Variants in GLIS3 observed in about 807,000 individuals in gnomAD.
GLIS3 encodes the protein GLIS family zinc finger 3, also known as zinc finger protein GLIS3.
In GLIS3, 53 loss-of-function variants were observed where a neutral mutation model predicts 78.6. The ratio of observed to expected loss-of-function variants is 0.67; its 90% confidence interval spans 0.54 to 0.85. The LOEUF is 0.85. Ranked by LOEUF, GLIS3 falls within the 40% of genes least tolerant of loss-of-function variation. GLIS3 has a pLI of 0.00. For synonymous variants in GLIS3, 684 were observed against 509.9 expected (o/e 1.34, Z -4.60); for missense variants, 1,703 against 1,231.1 (o/e 1.38, Z -5.74).
intron 4 of GLIS3, among the ~76,000 whole-genome samples, chr9:4,013,617 C>T (rs1269675614): frequency 6.6e-6 from 1 of 152,192 alleles, no homozygotes; most frequent in African/African-American, 2.4e-5. Flanking sequence ...ATGTAGAACA[C>T]AGGAGGGCTC....
chr9:3,857,974 G>A (rs1819899108), intron 8 of GLIS3, among the ~76,000 whole-genome samples: 1 of 152,160 alleles, frequency 6.6e-6, no homozygotes, highest in Non-Finnish European at 1.5e-5. Flanking sequence ...AGGAATCCAG[G>A]TTAACACCTA....
At chr9:4,241,933 C>T (rs1823359825) in intron 2 of GLIS3, among the ~76,000 whole-genome samples, 1 of 152,232 alleles carries the variant, frequency 6.6e-6, no homozygotes. Flanking sequence ...ATCTGCTTGC[C>T]TTGGCCTCCC....
At chr9:4,120,746 T>A (rs941011598) in intron 3 of GLIS3, among the ~76,000 whole-genome samples, 2 of 152,240 alleles carry the variant, frequency 1.3e-5, no homozygotes, top group African/African-American at 4.8e-5. Flanking sequence ...CATGCCTGAA[T>A]GGATGCACAT....
At chr9:4,270,888 GGT>G (rs148679668) in intron 2 of GLIS3, among the ~76,000 whole-genome samples, 35 of 146,910 alleles carry the variant, frequency 2.4e-4, no homozygotes, top group Middle Eastern at 3.2e-3. Flanking sequence ...CAATCTGTGT[GGT>G]GTGTGTGTGT....
At chr9:3,873,381 C>T (rs183875434) in intron 8 of GLIS3, among the ~76,000 whole-genome samples, 5 of 152,018 alleles carry the variant, frequency 3.3e-5, no homozygotes, top group South Asian at 2.1e-4. Context: ...AGGACAAGTG[C>T]GATTTATACG....
chr9:3,918,171 T>A (rs1003684479), intron 6 of GLIS3, among the ~76,000 whole-genome samples: 1 of 152,204 alleles, frequency 6.6e-6, no homozygotes, highest in African/African-American at 2.4e-5. Flanking sequence ...GTCTTTTCTT[T>A]TGGAAACTAC....
chr9:4,162,584 G>A (rs985960852), intron 2 of GLIS3, among the ~76,000 whole-genome samples: 7 of 152,114 alleles, frequency 4.6e-5, no homozygotes, highest in African/African-American at 1.7e-4. Context: ...CACTGGCCGG[G>A]TGCGGTGGCT....
At chr9:3,988,366 A>G (rs1180836266) in intron 4 of GLIS3, among the ~76,000 whole-genome samples, 11 of 152,280 alleles carry the variant, frequency 7.2e-5, no homozygotes, top group African/African-American at 2.2e-4. Flanking sequence ...AAGCAAATTT[A>G]CTGTTATGTT....
At chr9:4,361,676 T>C in the GLIS3 span, among the ~76,000 whole-genome samples, 1 of 152,238 alleles carries the variant, frequency 6.6e-6, no homozygotes, top group African/African-American at 2.4e-5. Context: ...TAAGCAGTTG[T>C]GATTTGACCT....
intron 1 of GLIS3, among the ~76,000 whole-genome samples, chr9:4,297,702 C>G (rs926865300): frequency 1.3e-5 from 2 of 152,118 alleles, no homozygotes; most frequent in East Asian, 1.9e-4. Context: ...TTTACATGCT[C>G]CAGAGATGAG....
At chr9:4,176,893 G>C (rs746569460) in intron 2 of GLIS3, among the ~76,000 whole-genome samples, 1 of 152,230 alleles carries the variant, frequency 6.6e-6, no homozygotes, top group Non-Finnish European at 1.5e-5. Flanking sequence ...CAAAGTGTTG[G>C]GATTACAGGC....
At chr9:4,418,884 G>A in the GLIS3 span, among the ~76,000 whole-genome samples, 1 of 152,124 alleles carries the variant, frequency 6.6e-6, no homozygotes, top group African/African-American at 2.4e-5. Flanking sequence ...GACAGGGGAT[G>A]GGAACATTCA....
Position 3,879,477 on chromosome 9 carries a change from G to A in GLIS3, c.2247C>T (p.Asn749=). 2.5e-6 allele frequency: 4 copies of A among 1,614,118 alleles called. No homozygotes were observed. Among genetic ancestry groups the A allele is most frequent in the Non-Finnish European group, 3.4e-6 (4 of 1,179,990 alleles). The change falls in exon 8 of 11, where the codon AAC becomes AAT. Residue 749 remains asparagine (N), a synonymous_variant. Coordinates refer to ENST00000381971, the MANE Select transcript of GLIS3 (RefSeq NM_001042413.2). ...TGAGTGGAGGTAACTGGGAGGAGGG[G>A]TTGTGAGGGCTCCCCTGTACATTAT... The part of the protein sequence containing the change: ...PGHNVQGSPH[N]PSSQLPPLTA...
At chr9:4,461,621 T>G in the GLIS3 span, among the ~76,000 whole-genome samples, 1 of 152,212 alleles carries the variant, frequency 6.6e-6, no homozygotes, top group African/African-American at 2.4e-5. Context: ...CCTCCTTGAC[T>G]TCAGGCTTGG....
intron 9 of GLIS3, among the ~76,000 whole-genome samples, chr9:3,838,838 G>C (rs897075446): frequency 6.6e-6 from 1 of 152,194 alleles, no homozygotes; most frequent in Non-Finnish European, 1.5e-5. Context: ...TGGAGCCCTT[G>C]CTCTCTGGGG....
intron 4 of GLIS3, among the ~76,000 whole-genome samples, chr9:4,106,563 C>A (rs1179091063): frequency 6.6e-6 from 1 of 152,100 alleles, no homozygotes; most frequent in Non-Finnish European, 1.5e-5. Flanking sequence ...TGGAAATGGA[C>A]CAAAAGTGTC....
chr9:4,158,168 T>C (rs745331479), intron 2 of GLIS3, among the ~76,000 whole-genome samples: 2 of 152,256 alleles, frequency 1.3e-5, no homozygotes, highest in Non-Finnish European at 2.9e-5. Flanking sequence ...GCTGCTATTT[T>C]TATTCTGTCG....
intron 4 of GLIS3, among the ~76,000 whole-genome samples, chr9:3,955,071 G>C (rs1029258777): frequency 6.6e-6 from 1 of 152,208 alleles, no homozygotes; most frequent in Non-Finnish European, 1.5e-5. Flanking sequence ...AAGGGGACAG[G>C]CTGGGGAGAG....
chr9:3,893,054 G>T (rs1822567608), intron 7 of GLIS3, among the ~76,000 whole-genome samples: 1 of 152,040 alleles, frequency 6.6e-6, no homozygotes, highest in East Asian at 1.9e-4. Flanking sequence ...CACTGCCCAG[G>T]TATTAAGTCT....
Sources: allele counts gnomAD v4.1 joint callset (sites outside exome capture counted in the v4.1 genomes callset), GRCh38; gene constraint gnomAD v4.1.1; transcripts MANE v1.5; gene names NCBI Gene and HGNC (gene_info 2026-07-23, HGNC 2026-07-21).